Variants in SIRPB1 observed in about 807,000 individuals in gnomAD.
SIRPB1 encodes signal regulatory protein beta 1.
Under a neutral mutation model 34.1 loss-of-function variants are expected in SIRPB1, and 28 were observed. That is an observed-to-expected ratio of 0.82 (90% confidence interval 0.61 to 1.12). The LOEUF (loss-of-function observed/expected upper bound fraction) is 1.12, where lower values mean the gene tolerates loss of function less well. SIRPB1 is among the 50% of genes most tolerant of loss of function. The probability of loss-of-function intolerance (pLI) is 0.00; values close to 1 mark genes in which losing one functional copy is unlikely to be tolerated. For missense variants in SIRPB1, 499 were observed against 507.0 expected (o/e 0.98, Z 0.15); for synonymous variants, 211 against 203.8 (o/e 1.04, Z -0.30).
intron 4 of SIRPB1, among the ~76,000 whole-genome samples, chr20:1,568,786 A>C (rs1337551531): frequency 6.6e-6 from 1 of 152,122 alleles, no homozygotes; most frequent in Non-Finnish European, 1.5e-5. Flanking sequence ...GGCAAAGTAA[A>C]CCCAAAGAAA....
chr20:1,616,263 A>G (rs2091628109), intron 1 of SIRPB1, among the ~76,000 whole-genome samples: 1 of 152,222 alleles, frequency 6.6e-6, no homozygotes. Context: ...AGAAAAGGCA[A>G]TCTTGAGCAA....
intron 1 of SIRPB1, chr20:1,611,376 G>A: frequency 1.1e-6 from 1 of 921,476 alleles, no homozygotes; most frequent in Non-Finnish European, 1.4e-6. Context: ...ACAGCTCGGT[G>A]CCTGCTCCAG....
At position 1,583,018 on chromosome 20, in the gene SIRPB1, A is replaced by G. The variant is rs2091406224; in HGVS notation, c.77-4324T>C. On this transcript the variant is annotated intron_variant, in intron 1 of 5. Transcript: ENST00000381605. ...GGAACACTTTCTCAGGAGACTAAAT[A>G]TTGTATTTTAAGTGAATTGCTTTCA... 1.0e-4 allele frequency among the ~76,000 whole-genome samples: 5 copies of G among 48,638 alleles called. 2 individuals carry two copies. In the South Asian group the frequency reaches 3.1e-3, roughly 30 times the overall value. 31.9% of individuals were successfully genotyped at this position (48,638 alleles called of 152,430 possible). A position where few individuals can be genotyped will look rare whatever the true frequency, so the allele number is the denominator to read the frequency against.
intron 1 of SIRPB1, among the ~76,000 whole-genome samples, chr20:1,613,660 T>C (rs913934447): frequency 6.6e-6 from 1 of 152,208 alleles, no homozygotes; most frequent in African/African-American, 2.4e-5. Context: ...TGGAAGATGG[T>C]ATAATTGAAA....
At position 1,568,893 on chromosome 20, in the gene SIRPB1, CAA is replaced by C. The variant is rs1481235038; in HGVS notation, c.1084+1910_1084+1911del. 4.7e-5 allele frequency among the ~76,000 whole-genome samples: 7 copies of C among 149,498 alleles called. No homozygotes were observed. In the East Asian group the frequency reaches 1.4e-3, roughly 29 times the overall value. On this transcript the variant is annotated intron_variant, in intron 4 of 5. Transcript: ENST00000381605. ...AAAACAATACAAAAACCCATTGAAA[CAA>C]AGAGTCAATCTTTTGAAAACACCAA...
intron 1 of SIRPB1, chr20:1,611,323 A>G (rs1380585679): frequency 1.2e-6 from 1 of 831,802 alleles, no homozygotes; most frequent in Admixed American, 2.6e-5. Context: ...ATTGTCACAC[A>G]CTAGGGGATG....
In SIRPB1 at chr20:1,561,677, ATCT is replaced by A. The variant is rs2091084533; in HGVS notation, c.*3820_*3822del. Reference sequence around the variant, plus strand: ...GGGAAGGTAATAGAGGAAAAGTGTCATCTTCATCACATCATATTAAAGGTACAT... The same window carrying A: ...GGGAAGGTAATAGAGGAAAAGTGTCATCATCACATCATATTAAAGGTACAT... On this transcript the variant is annotated 3_prime_UTR_variant, in exon 6 of 6. Coordinates refer to ENST00000381605, the MANE Select transcript of SIRPB1 (RefSeq NM_006065.5). Among the ~76,000 whole-genome samples, 1 of 152,236 alleles carries A rather than the reference ATCT, an allele frequency of 6.6e-6. No individual in the cohort carries two copies. Among genetic ancestry groups the A allele is most frequent in the Non-Finnish European group, 1.5e-5 (1 of 68,046 alleles).
At position 1,611,034 on chromosome 20, in the gene SIRPB1, C is replaced by T. The variant is rs1381494640; in HGVS notation, c.76+8835G>A. ...TGGAGGCAGAAGGCAAGGTCCAGCC[C>T]TGTGCCTGGGCAAGTCACTCAAATT... On this transcript the variant is annotated intron_variant, in intron 1 of 5. Coordinates refer to ENST00000381605, the MANE Select transcript of SIRPB1 (RefSeq NM_006065.5). 2.7e-5 allele frequency among the ~76,000 whole-genome samples: 2 copies of T among 72,858 alleles called. 1 individual carries two copies. Among genetic ancestry groups the T allele is most frequent in the Non-Finnish European group, 5.2e-5 (2 of 38,762 alleles). The allele number at this position is 72,858 out of a possible 152,430, so 47.8% of individuals were successfully genotyped here.
chr20:1,571,125 A>C lies in SIRPB1; in HGVS notation c.764T>G (p.Leu255Trp), dbSNP rs774490104. 56 of 1,613,460 alleles carry C rather than the reference A, an allele frequency of 3.5e-5. No individual in the cohort carries two copies. Among genetic ancestry groups the C allele is most frequent in the Non-Finnish European group, 4.5e-5 (53 of 1,179,644 alleles). ...LSEAIRVPPT[L>W]EVTQQPMRAE... ...CCTCATGGGCTGTTGAGTAACCTCC[A>C]AGGTGGGTGGAACTGAAACAGCACA... Residue 255 changes from leucine to tryptophan, a missense_variant, in exon 4 of 6, where the codon TTG becomes TGG. Coordinates refer to ENST00000381605, the MANE Select transcript of SIRPB1 (RefSeq NM_006065.5).
At chr20:1,569,247 C>T (rs2122177055) in intron 4 of SIRPB1, among the ~76,000 whole-genome samples, 1 of 152,258 alleles carries the variant, frequency 6.6e-6, no homozygotes, top group African/African-American at 2.4e-5. Context: ...AAAACACAAG[C>T]ATTTAAAGAT....
intron 1 of SIRPB1, among the ~76,000 whole-genome samples, chr20:1,580,056 A>T (rs1192144216): frequency 6.7e-6 from 1 of 148,572 alleles, no homozygotes; most frequent in African/African-American, 2.4e-5. Context: ...CATTTGCTTA[A>T]CTTTAATAAC....
At chr20:1,574,655 A>G (rs2091288371) in intron 2 of SIRPB1, among the ~76,000 whole-genome samples, 2 of 145,446 alleles carry the variant, frequency 1.4e-5, no homozygotes, top group African/African-American at 5.0e-5. Flanking sequence ...GTCTGAGGTC[A>G]CACAGCTTCA....
At chr20:1,616,428 T>C (rs34281058) in intron 1 of SIRPB1, among the ~76,000 whole-genome samples, 2,082 of 152,294 alleles carry the variant, frequency 0.014, 16 homozygotes, top group Non-Finnish European at 0.021. Flanking sequence ...TCAATTGACC[T>C]TTGACAAAAA....
In SIRPB1 at chr20:1,587,083, C is replaced by T. The variant is rs1462382396; in HGVS notation, c.77-8389G>A. Among the ~76,000 whole-genome samples, 2 of 48,406 alleles carry T rather than the reference C, an allele frequency of 4.1e-5. 1 individual carries two copies. Among genetic ancestry groups the T allele is most frequent in the Non-Finnish European group, 7.9e-5 (2 of 25,252 alleles). 31.8% of individuals were successfully genotyped at this position (48,406 alleles called of 152,430 possible). A position where few individuals can be genotyped will look rare whatever the true frequency, so the allele number is the denominator to read the frequency against. On this transcript the variant is annotated intron_variant, in intron 1 of 5. Coordinates refer to ENST00000381605, the MANE Select transcript of SIRPB1 (RefSeq NM_006065.5). Reference sequence around the variant, plus strand: ...AGTAGGAACTCTGAAGCTGGTCGACCTGGACTTGAATCCCATCTGCTCCAC... The same window carrying T: ...AGTAGGAACTCTGAAGCTGGTCGACTTGGACTTGAATCCCATCTGCTCCAC...
In SIRPB1 at chr20:1,563,520, TGAAAA is replaced by T. The variant is rs1289669468; in HGVS notation, c.*1975_*1979del. On this transcript the variant is annotated 3_prime_UTR_variant, in exon 6 of 6. Transcript: ENST00000381605. ...AAAAAATAAAAATAAAATAAACAAA[TGAAAA>T]GAAACAATGCTTGCTCCGTGTATTA... The T allele has an allele frequency of 6.6e-6, 1 of 151,794 alleles. No homozygotes were observed. The highest frequency in any genetic ancestry group is 1.5e-5 in the Non-Finnish European group (1 of 67,936). The allele number at this position is 151,794 out of a possible 1,614,324, so 9.4% of individuals were successfully genotyped here.
rs1467044967 is a variant in SIRPB1 at position 1,572,380 on chromosome 20, C to T, written c.434-343G>A. Among the ~76,000 whole-genome samples the T allele has an allele frequency of 4.6e-5, 7 of 151,918 alleles. No homozygotes were observed. The East Asian group carries it at 1.4e-3, about 29-fold the overall frequency. On this transcript the variant is annotated intron_variant, in intron 2 of 5. Coordinates refer to ENST00000381605, the MANE Select transcript of SIRPB1 (RefSeq NM_006065.5). Reference sequence around the variant, plus strand: ...TATTAACTGGTCCTAGCTGTCCTCCCCCGGAAGGCTCACTAACCTCAGAGA... The same window carrying T: ...TATTAACTGGTCCTAGCTGTCCTCCTCCGGAAGGCTCACTAACCTCAGAGA...
rs1451625259 is a variant in SIRPB1 at position 1,598,830 on chromosome 20, C to G, written c.77-20136G>C. On this transcript the variant is annotated intron_variant, in intron 1 of 5. Transcript: ENST00000381605. ...CCATCCCCCACACTTACAGTCAGGCCTTCTGCTTCCAGTAGACATAGATGA... is the reference window on the plus strand; with the variant it reads ...CCATCCCCCACACTTACAGTCAGGCGTTCTGCTTCCAGTAGACATAGATGA... The G allele has an allele frequency of 8.4e-5, 44 of 525,690 alleles. 20 individuals carry two copies. Among genetic ancestry groups the G allele is most frequent in the Non-Finnish European group, 1.1e-4 (44 of 389,572 alleles). The allele number at this position is 525,690 out of a possible 1,614,324, so 32.6% of individuals were successfully genotyped here. A position where few individuals can be genotyped will look rare whatever the true frequency, so the allele number is the denominator to read the frequency against.
In SIRPB1 at chr20:1,578,637, G is replaced by A; in HGVS notation, c.134C>T (p.Ala45Val). Reference protein sequence around the residue: ...VIQPEKSVSVAAGESATLRCA... With the variant: ...VIQPEKSVSVVAGESATLRCA... ...GCGCAGAGTGGCCGACTCTCCAGCT[G>A]CAACTGATACGGACTTTTCAGGCTG... Residue 45 changes from alanine to valine, a missense_variant, in exon 2 of 6, where the codon GCA (alanine) becomes GTA (valine). Physicochemically the swap from Ala to Val is moderately conservative, Grantham distance 64. Transcript: ENST00000381605. 1 of 1,584,286 alleles carries A rather than the reference G, an allele frequency of 6.3e-7. No homozygotes were observed. Among genetic ancestry groups the A allele is most frequent in the Non-Finnish European group, 8.6e-7 (1 of 1,157,696 alleles).
Position 1,578,470 on chromosome 20 carries a change from G to A in SIRPB1, c.301C>T (p.Leu101=). Residue 101 remains leucine (L), a synonymous_variant, in exon 2 of 6, where the codon CTG becomes TTG. Coordinates refer to ENST00000381605, the MANE Select transcript of SIRPB1 (RefSeq NM_006065.5). ...TTACTGATGCTGATGGAAAAGTCCA[G>A]GTTGTTTCTCTTTGTGAGTTCTGAA... The part of the protein sequence containing the change: ...TVSELTKRNN[L]DFSISISNIT... The A allele has an allele frequency of 6.4e-7, 1 of 1,554,566 alleles. No homozygotes were observed. The highest frequency in any genetic ancestry group is 1.1e-5 in the South Asian group (1 of 89,780).
Sources: gnomAD v4.1 joint callset for allele counts (sites outside exome capture counted in the v4.1 genomes callset) on GRCh38, gnomAD v4.1.1 for gene constraint, MANE v1.5 for transcripts, NCBI Gene and HGNC (gene_info 2026-07-23, HGNC 2026-07-21) for gene names.